The following THRAP3 variants were observed in gnomAD, a reference collection of about 807,000 sequenced individuals.
The protein encoded by THRAP3 is thyroid hormone receptor associated protein 3.
In THRAP3, 16 loss-of-function variants were observed where a neutral mutation model predicts 101.0. The observed-to-expected ratio is 0.16, with a 90% CI of 0.11 to 0.24. THRAP3 has a LOEUF of 0.24. Among genes scored for constraint, THRAP3 ranks in the 10% least tolerant of loss-of-function variants. The pLI is 1.00. For missense variants in THRAP3, 989 were observed against 1,202.7 expected, an observed-to-expected ratio of 0.82 and a Z score of 2.63; for synonymous variants, 407 against 422.6, an observed-to-expected ratio of 0.96 and a Z score of 0.45.
intron 1 of THRAP3, among the ~76,000 whole-genome samples, chr1:36,257,677 A>G (rs1570277499): frequency 6.6e-6 from 1 of 152,218 alleles, no homozygotes; most frequent in Non-Finnish European, 1.5e-5. Flanking sequence ...CATCGCAACA[A>G]TGGGGAATTG....
At chr1:36,280,929 TTA>T (rs1645723437) in intron 2 of THRAP3, among the ~76,000 whole-genome samples, 5 of 151,098 alleles carry the variant, frequency 3.3e-5, no homozygotes, top group Admixed American at 6.6e-5. Context: ...TTATTTTTAT[TTA>T]TTTTTTTTTT....
chr1:36,301,465 C>T, intron 10 of THRAP3, 88 bp from the exon 11 acceptor site: 1 of 1,510,286 alleles, frequency 6.6e-7, no homozygotes, highest in East Asian at 2.3e-5. Flanking sequence ...TATTCCACAC[C>T]AGAAAAATGT....
chr1:36,251,689 T>C (rs1226427431), intron 1 of THRAP3, among the ~76,000 whole-genome samples: 2 of 152,248 alleles, frequency 1.3e-5, no homozygotes, highest in Non-Finnish European at 2.9e-5. Context: ...AACCAGCTTG[T>C]TGAAGTCGTG....
chr1:36,281,151 C>T (rs1325981558), intron 2 of THRAP3, among the ~76,000 whole-genome samples: 2 of 152,106 alleles, frequency 1.3e-5, no homozygotes, highest in African/African-American at 4.8e-5. Context: ...AGGTGATCAG[C>T]CCACCTCAGC....
chr1:36,246,571 G>A (rs1028077683), intron 1 of THRAP3, among the ~76,000 whole-genome samples: 3 of 152,094 alleles, frequency 2.0e-5, no homozygotes, highest in Non-Finnish European at 4.4e-5. Context: ...GGCCGAGTGC[G>A]GTGGCTCACA....
chr1:36,298,273 CATAG>C (rs1040873651), intron 9 of THRAP3, among the ~76,000 whole-genome samples: 9 of 152,018 alleles, frequency 5.9e-5, no homozygotes, highest in African/African-American at 2.2e-4. Flanking sequence ...TGGGGCCGCC[CATAG>C]ATAAAGAACC....
In THRAP3 at chr1:36,293,640, C is replaced by CTGTGTGTGTGTGTGTGTG. The variant is rs577292328; in HGVS notation, c.2031-189_2031-172dup. Among the ~76,000 whole-genome samples, 1,300 of 133,384 alleles carry CTGTGTGTGTGTGTGTGTG rather than the reference C, an allele frequency of 9.7e-3. 29 individuals carry two copies. Among genetic ancestry groups the CTGTGTGTGTGTGTGTGTG allele is most frequent in the Middle Eastern group, 0.015 (4 of 274 alleles). 87.5% of individuals were successfully genotyped at this position (133,384 alleles called of 152,430 possible). On this transcript the variant is annotated intron_variant, in intron 7 of 11. Coordinates refer to ENST00000354618, the MANE Select transcript of THRAP3 (RefSeq NM_005119.4). The stretch of plus-strand genomic sequence containing the variant: ...TCTGTTACACTGTGGGAACCTGGGA[C>CTGTGTGTGTGTGTGTGTG]TGTGTGTGTGTGTGTGTGTGTGTGT...
rs1368637092 is a variant in THRAP3 at position 36,224,757 on chromosome 1, G to C, written c.-135+252G>C. Among the ~76,000 whole-genome samples the C allele has an allele frequency of 3.9e-5, 6 of 152,300 alleles. No homozygotes were observed. The East Asian group carries it at 1.2e-3, about 29-fold the overall frequency. ...TCTTGGTCGCCTTCTCTGCAGAGCA[G>C]CTCCTACGCCGCTTTATCTTGCAGT... is the stretch of plus-strand genomic sequence containing the variant. On this transcript the variant is annotated intron_variant, in intron 1 of 11. Coordinates refer to ENST00000354618, the MANE Select transcript of THRAP3 (RefSeq NM_005119.4).
At chr1:36,217,825 C>T in the THRAP3 span, among the ~76,000 whole-genome samples, 7 of 152,130 alleles carry the variant, frequency 4.6e-5, no homozygotes, top group African/African-American at 1.7e-4. Flanking sequence ...CACCAACTGG[C>T]CATTCCCTGT....
the THRAP3 span, among the ~76,000 whole-genome samples, chr1:36,214,949 C>T: frequency 3.3e-5 from 5 of 151,892 alleles, no homozygotes; most frequent in African/African-American, 1.2e-4. Flanking sequence ...GGCCTGGGCG[C>T]GGTGGCTCAC....
At chr1:36,280,881 T>C (rs1296546680) in intron 2 of THRAP3, among the ~76,000 whole-genome samples, 1 of 152,002 alleles carries the variant, frequency 6.6e-6, no homozygotes, top group Non-Finnish European at 1.5e-5. Context: ...ACTATTTGTT[T>C]CTTGGTGGGA....
At chr1:36,297,435 C>T (rs969341888) in intron 9 of THRAP3, among the ~76,000 whole-genome samples, 2 of 149,932 alleles carry the variant, frequency 1.3e-5, no homozygotes, top group East Asian at 3.9e-4. Flanking sequence ...TGAACTTTAG[C>T]TGGCAAGCAT....
At chr1:36,261,963 G>A (rs1214424946) in intron 2 of THRAP3, among the ~76,000 whole-genome samples, 3 of 152,074 alleles carry the variant, frequency 2.0e-5, no homozygotes, top group African/African-American at 7.2e-5. Flanking sequence ...AAAAGTGACT[G>A]GACAGTACTA....
chr1:36,272,475 C>T (rs1645604165), intron 2 of THRAP3, among the ~76,000 whole-genome samples: 1 of 152,106 alleles, frequency 6.6e-6, no homozygotes, highest in African/African-American at 2.4e-5. Flanking sequence ...GCCCTCTATT[C>T]TGTTTCTGTG....
chr1:36,282,868 C>G (rs1645752418), intron 3 of THRAP3, among the ~76,000 whole-genome samples, 168 bp downstream of exon 3: 1 of 152,168 alleles, frequency 6.6e-6, no homozygotes, highest in Non-Finnish European at 1.5e-5. Context: ...ACTACAAATC[C>G]AGATCAGCTT....
At chr1:36,270,739 A>C (rs990483367) in intron 2 of THRAP3, among the ~76,000 whole-genome samples, 4 of 151,738 alleles carry the variant, frequency 2.6e-5, no homozygotes, top group Non-Finnish European at 5.9e-5. Flanking sequence ...CACCACGCCT[A>C]GCGAATTTTG....
At chr1:36,219,098 C>T in the THRAP3 span, among the ~76,000 whole-genome samples, 6 of 143,550 alleles carry the variant, frequency 4.2e-5, no homozygotes, top group African/African-American at 5.1e-5. Flanking sequence ...GAAGGCAAAA[C>T]AGCCTTATTG....
chr1:36,303,112 A>ATTTTTTTTTTTT (rs397936228), intron 11 of THRAP3, among the ~76,000 whole-genome samples: 67 of 125,140 alleles, frequency 5.4e-4, no homozygotes, highest in Non-Finnish European at 8.2e-4. Flanking sequence ...TGCCTGGCTA[A>ATTTTTTTTTTTT]TTTTTTTTTT....
At chr1:36,275,491 G>A (rs959181697) in intron 2 of THRAP3, among the ~76,000 whole-genome samples, 1 of 150,408 alleles carries the variant, frequency 6.6e-6, no homozygotes, top group South Asian at 2.1e-4. Context: ...GGAGGCTGAG[G>A]CAGGAGAATG....
Sources: allele counts gnomAD v4.1 joint callset (sites outside exome capture counted in the v4.1 genomes callset), GRCh38; gene constraint gnomAD v4.1.1; transcripts MANE v1.5; gene names NCBI Gene and HGNC (gene_info 2026-07-23, HGNC 2026-07-21).